Variants in PDE7B observed in about 807,000 individuals in gnomAD.
The protein encoded by PDE7B is 3',5'-cyclic-AMP phosphodiesterase 7B.
In PDE7B, 29 loss-of-function variants were observed where a neutral mutation model predicts 56.2. The ratio of observed to expected loss-of-function variants is 0.52; its 90% CI spans 0.38 to 0.70. The LOEUF is 0.70. PDE7B is among the 30% of genes least tolerant of loss of function. The pLI is 0.00. For synonymous variants in PDE7B, 197 were observed against 196.9 expected, an observed-to-expected ratio of 1.00 and a Z score of 0.00; for missense variants, 490 against 565.0, an observed-to-expected ratio of 0.87 and a Z score of 1.35.
intron 1 of PDE7B, among the ~76,000 whole-genome samples, chr6:135,856,030 A>G (rs960867733): frequency 1.3e-5 from 2 of 152,186 alleles, no homozygotes; most frequent in South Asian, 4.1e-4. Flanking sequence ...ACACTGAATC[A>G]TTAGCATGTG....
chr6:136,043,313 A>G (rs1329661876), intron 2 of PDE7B, among the ~76,000 whole-genome samples: 2 of 152,132 alleles, frequency 1.3e-5, no homozygotes, highest in East Asian at 3.8e-4. Context: ...ATTTTCATGA[A>G]TGACTCATGA....
rs567060775 is a variant in PDE7B, at chr6:135,914,550, G to A, written c.22-32914G>A. Among the ~76,000 whole-genome samples, 24 of 9,522 alleles carry A rather than the reference G, an allele frequency of 2.5e-3. 1 individual carries two copies. The highest frequency in any genetic ancestry group is 3.7e-3 in the East Asian group (1 of 268). 6.2% of individuals were successfully genotyped at this position (9,522 alleles called of 152,430 possible). A position where few individuals can be genotyped will look rare whatever the true frequency, so the allele number is the denominator to read the frequency against. On this transcript the variant is annotated intron_variant, in intron 1 of 12. Coordinates refer to ENST00000308191, the MANE Select transcript of PDE7B (RefSeq NM_018945.4). Reference sequence around the variant, plus strand: ...GCTCTGTCGCCCAGGCTGGAGTGCAGTGGCGCGATCTCGGCTCACTGCAAG... The same window carrying A: ...GCTCTGTCGCCCAGGCTGGAGTGCAATGGCGCGATCTCGGCTCACTGCAAG...
chr6:135,920,511 A>G (rs1482524797), intron 1 of PDE7B, among the ~76,000 whole-genome samples: 1 of 152,104 alleles, frequency 6.6e-6, no homozygotes, highest in Non-Finnish European at 1.5e-5. Flanking sequence ...CCACCTCCTA[A>G]AAGACCAGTC....
At chr6:136,105,937 T>G (rs1777638342) in intron 2 of PDE7B, among the ~76,000 whole-genome samples, 1 of 152,232 alleles carries the variant, frequency 6.6e-6, no homozygotes. Context: ...ACACAGTGAT[T>G]TCCAAAAGGT....
At position 136,073,904 on chromosome 6, in the gene PDE7B, A is replaced by C. The variant is rs148046060; in HGVS notation, c.83-34827A>C. The stretch of plus-strand genomic sequence containing the variant: ...ACAATGCGCAGAAAACTGAAATTTC[A>C]CCAAAAGTCCCATATCTGAAGCAAA... On this transcript the variant is annotated intron_variant, in intron 2 of 12. Transcript: ENST00000308191. Among the ~76,000 whole-genome samples the C allele has an allele frequency of 5.3e-3, 811 of 152,354 alleles. 2 individuals are homozygous for C. Among genetic ancestry groups the C allele is most frequent in the African/African-American group, 0.019 (776 of 41,580 alleles).
intron 2 of PDE7B, among the ~76,000 whole-genome samples, chr6:136,023,245 G>A (rs1325589342): frequency 6.6e-6 from 1 of 152,138 alleles, no homozygotes; most frequent in Non-Finnish European, 1.5e-5. Context: ...AGTTATAGCA[G>A]TAACATCACT....
intron 3 of PDE7B, among the ~76,000 whole-genome samples, chr6:136,126,767 G>A (rs1047287577): frequency 5.3e-5 from 8 of 152,046 alleles, no homozygotes; most frequent in South Asian, 4.2e-4. Flanking sequence ...ATGCAAAGGC[G>A]TAAGAATGCC....
intron 2 of PDE7B, chr6:136,043,768 G>A (rs921195142): frequency 1.3e-5 from 2 of 151,868 alleles, no homozygotes; most frequent in Non-Finnish European, 2.9e-5. Context: ...TCTTGCAATA[G>A]CCTTCAACTC....
intron 2 of PDE7B, among the ~76,000 whole-genome samples, chr6:136,032,910 G>T (rs192604022): frequency 6.6e-6 from 1 of 152,334 alleles, no homozygotes; most frequent in East Asian, 1.9e-4. Flanking sequence ...TTGGGGCAAA[G>T]CTCAGTGGTG....
intron 12 of PDE7B, among the ~76,000 whole-genome samples, chr6:136,190,334 A>G (rs3799396): frequency 0.24 from 35,920 of 152,116 alleles, 11,827 homozygotes; most frequent in African/African-American, 0.74. Context: ...TCTTTAAATC[A>G]TATTTCACAT....
intron 1 of PDE7B, among the ~76,000 whole-genome samples, chr6:135,945,884 G>A (rs868301644): frequency 6.6e-6 from 1 of 152,258 alleles, no homozygotes; most frequent in African/African-American, 2.4e-5. Context: ...TTTATATTCA[G>A]AGTTGTGAAT....
At chr6:135,938,727 C>T (rs1343490180) in intron 1 of PDE7B, among the ~76,000 whole-genome samples, 1 of 152,194 alleles carries the variant, frequency 6.6e-6, no homozygotes, top group Non-Finnish European at 1.5e-5. Flanking sequence ...CGCAATGACT[C>T]TGAGCCTGCA....
chr6:135,952,334 C>T (rs993120816), intron 2 of PDE7B, among the ~76,000 whole-genome samples: 1 of 152,116 alleles, frequency 6.6e-6, no homozygotes, highest in Admixed American at 6.6e-5. Context: ...AATATAAGGA[C>T]AATTTTTTAA....
At chr6:136,157,728 A>AGAC (rs1562508742) in intron 8 of PDE7B, among the ~76,000 whole-genome samples, 5 of 152,228 alleles carry the variant, frequency 3.3e-5, no homozygotes. Context: ...AAAAAAAAGA[A>AGAC]CATAGAAAAA....
intron 2 of PDE7B, among the ~76,000 whole-genome samples, chr6:136,040,258 C>T (rs1307458951): frequency 6.6e-6 from 1 of 152,186 alleles, no homozygotes; most frequent in Non-Finnish European, 1.5e-5. Flanking sequence ...GGCTTTATAA[C>T]ACCTTTCCAA....
At chr6:135,910,461 A>G (rs2128193637) in intron 1 of PDE7B, among the ~76,000 whole-genome samples, 1 of 152,312 alleles carries the variant, frequency 6.6e-6, no homozygotes. Context: ...TTAGGTTCAC[A>G]GCAAAATTTG....
At chr6:136,048,585 G>A (rs771459310) in intron 2 of PDE7B, among the ~76,000 whole-genome samples, 1 of 152,124 alleles carries the variant, frequency 6.6e-6, no homozygotes, top group Non-Finnish European at 1.5e-5. Flanking sequence ...AAGATAGGCT[G>A]GGGGTCAGGT....
chr6:136,050,965 C>A (rs1776614507), intron 2 of PDE7B, among the ~76,000 whole-genome samples: 2 of 152,120 alleles, frequency 1.3e-5, no homozygotes, highest in African/African-American at 2.4e-5. Context: ...CCGTTCAGAG[C>A]CTGTCTGTTT....
intron 1 of PDE7B, among the ~76,000 whole-genome samples, chr6:135,928,483 T>TTATATATATATATATATATATATA (rs1187835633): frequency 1.0e-5 from 1 of 96,864 alleles, no homozygotes; most frequent in Non-Finnish European, 2.1e-5. Flanking sequence ...ATATATATAT[T>TTATATATATATATATATATATATA]TATTTATATA....
Sources: gnomAD v4.1 joint callset for allele counts (sites outside exome capture counted in the v4.1 genomes callset) on GRCh38, gnomAD v4.1.1 for gene constraint, MANE v1.5 for transcripts, NCBI Gene and HGNC (gene_info 2026-07-23, HGNC 2026-07-21) for gene names.